The following MAL2 variants were observed in gnomAD, a reference collection of about 807,000 sequenced individuals.
MAL2 encodes mal, T cell differentiation protein 2.
MAL2 carries 17 observed loss-of-function variants against 18.1 expected under a neutral mutation model. That is an observed-to-expected ratio of 0.94 (90% confidence interval 0.64 to 1.41). The LOEUF (loss-of-function observed/expected upper bound fraction) is 1.41. MAL2 is among the 40% of genes most tolerant of loss of function. MAL2 has a pLI of 0.00. For synonymous variants in MAL2, 102 were observed against 102.3 expected (o/e 1.00, Z 0.02); for missense variants, 222 against 231.9 (o/e 0.96, Z 0.28).
chr8:119,216,451 G>A (rs755409742), intron 1 of MAL2, among the ~76,000 whole-genome samples: 1 of 152,120 alleles, frequency 6.6e-6, no homozygotes, highest in Non-Finnish European at 1.5e-5. Flanking sequence ...GAATAATAAT[G>A]TTGTCTCTCA....
At chr8:119,220,239 T>C (rs928613490) in intron 1 of MAL2, among the ~76,000 whole-genome samples, 1 of 152,246 alleles carries the variant, frequency 6.6e-6, no homozygotes, top group Non-Finnish European at 1.5e-5. Context: ...CTGTCCTTTT[T>C]CTGTTGTGTC....
intron 2 of MAL2, among the ~76,000 whole-genome samples, chr8:119,229,345 C>T (rs999192310): frequency 7.2e-6 from 1 of 139,176 alleles, no homozygotes; most frequent in African/African-American, 2.6e-5. Flanking sequence ...CAGAGTCTTG[C>T]TCTATTGCCC....
chr8:119,241,294 G>A (rs141556869), intron 3 of MAL2, among the ~76,000 whole-genome samples: 2,093 of 152,222 alleles, frequency 0.014, 47 homozygotes, highest in African/African-American at 0.048. Context: ...TTGGTAGGCC[G>A]AGGTGGGAGG....
Position 119,243,489 on chromosome 8 carries a change from C to T in MAL2, c.*1C>T, listed in dbSNP as rs1468982964. Reference sequence around the variant, plus strand: ...GGCTTTACGAAGATGGCGACCGTAACACTCCTTAGAAACTGGCAGTCGTAT... The same window carrying T: ...GGCTTTACGAAGATGGCGACCGTAATACTCCTTAGAAACTGGCAGTCGTAT... On this transcript the variant is annotated 3_prime_UTR_variant, in exon 4 of 4. Coordinates refer to ENST00000614891, the MANE Select transcript of MAL2 (RefSeq NM_052886.3). 6 of 1,591,864 alleles carry T rather than the reference C, an allele frequency of 3.8e-6. No homozygotes were observed. Among genetic ancestry groups the T allele is most frequent in the East Asian group, 4.5e-5 (2 of 44,354 alleles).
At position 119,208,492 on chromosome 8, in the gene MAL2, C is replaced by T; in HGVS notation, c.20C>T (p.Ser7Leu). The change falls in exon 1 of 4, where the codon TCA becomes TTA. Residue 7 changes from serine (S) to leucine (L), a missense_variant. Physicochemically the swap from Ser to Leu is moderately radical, Grantham distance 145. Coordinates refer to ENST00000614891, the MANE Select transcript of MAL2 (RefSeq NM_052886.3). The surrounding 1 kb of genome is among the most constrained non-coding windows in gnomAD (Gnocchi z 4.3). MSAGGASVPPPPNPAVS... is the reference protein window; with the variant it reads MSAGGALVPPPPNPAVS... ...GGCAGCATGTCGGCCGGCGGAGCGT[C>T]AGTCCCGCCGCCCCCGAACCCCGCC... 1 of 1,290,026 alleles carries T rather than the reference C, an allele frequency of 7.8e-7. No homozygotes were observed. Among genetic ancestry groups the T allele is most frequent in the South Asian group, 2.6e-5 (1 of 38,742 alleles). 79.9% of individuals were successfully genotyped at this position (1,290,026 alleles called of 1,614,324 possible).
chr8:119,235,300 T>A (rs1563776641), intron 2 of MAL2, among the ~76,000 whole-genome samples: 1 of 152,024 alleles, frequency 6.6e-6, no homozygotes, highest in Non-Finnish European at 1.5e-5. Context: ...TGGGACTATG[T>A]GAAAAGACCA....
intron 2 of MAL2, among the ~76,000 whole-genome samples, chr8:119,225,562 T>C (rs1354069047): frequency 6.6e-6 from 1 of 152,208 alleles, no homozygotes; most frequent in East Asian, 1.9e-4. Flanking sequence ...CTATTGTGAA[T>C]AGTGCCGCAA....
Position 119,208,791 on chromosome 8 carries a change from C to T in MAL2, c.132+187C>T. 1 of 949,728 alleles carries T rather than the reference C, an allele frequency of 1.1e-6. No individual in the cohort carries two copies. The highest frequency in any genetic ancestry group is 5.4e-5 in the South Asian group (1 of 18,380). The allele number at this position is 949,728 out of a possible 1,614,324, so 58.8% of individuals were successfully genotyped here. Reference sequence around the variant, plus strand: ...GCCGCCCGGGCCCTCCCTCCTAGCACCTGTTACGCGGGCACCTGCTCCCCC... The same window carrying T: ...GCCGCCCGGGCCCTCCCTCCTAGCATCTGTTACGCGGGCACCTGCTCCCCC... On this transcript the variant is annotated intron_variant, in intron 1 of 3. Transcript: ENST00000614891. The surrounding 1 kb of genome is among the most constrained non-coding windows in gnomAD (Gnocchi z 4.3).
chr8:119,237,342 T>G (rs199999402), intron 2 of MAL2, among the ~76,000 whole-genome samples: 49 of 151,784 alleles, frequency 3.2e-4, no homozygotes, highest in African/African-American at 1.2e-3. Flanking sequence ...GATTCACAGC[T>G]GAATTCTACC....
At chr8:119,241,459 G>GACCACACCACTGCACTT (rs373161045) in intron 3 of MAL2, among the ~76,000 whole-genome samples, 14,219 of 152,194 alleles carry the variant, frequency 0.093, 1,974 homozygotes, top group African/African-American at 0.3. Context: ...AGTGAGCAGA[G>GACCACACCACTGCACTT]CAGTCTGAGC....
At chr8:119,230,053 A>G (rs113532803) in intron 2 of MAL2, among the ~76,000 whole-genome samples, 59 of 152,304 alleles carry the variant, frequency 3.9e-4, no homozygotes, top group African/African-American at 1.3e-3. Context: ...CCCAACCCAA[A>G]ATAAGCAGTT....
chr8:119,208,427 G>C lies in MAL2; in HGVS notation c.-46G>C. ...CGGCAGGAGCCCGGGAGGCGGAGGCGGGAGGCGGCGGCGGCGCGCGGAGAC... is the reference window on the plus strand; with the variant it reads ...CGGCAGGAGCCCGGGAGGCGGAGGCCGGAGGCGGCGGCGGCGCGCGGAGAC... On this transcript the variant is annotated 5_prime_UTR_variant, in exon 1 of 4. Transcript: ENST00000614891. This position sits in a 1 kb window ranked among gnomAD's most constrained non-coding sequence, Gnocchi z 4.3. 2.8e-6 allele frequency: 3 copies of C among 1,082,090 alleles called. No homozygotes were observed. Among genetic ancestry groups the C allele is most frequent in the Non-Finnish European group, 3.4e-6 (3 of 882,156 alleles). The allele number at this position is 1,082,090 out of a possible 1,614,324, so 67.0% of individuals were successfully genotyped here.
chr8:119,217,282 A>T (rs1165032558), intron 1 of MAL2, among the ~76,000 whole-genome samples: 2 of 152,220 alleles, frequency 1.3e-5, no homozygotes, highest in Non-Finnish European at 2.9e-5. Context: ...ACCAGAAAGA[A>T]GATCAGTTGT....
chr8:119,240,751 G>A (rs1028657996), intron 3 of MAL2, among the ~76,000 whole-genome samples: 12 of 152,150 alleles, frequency 7.9e-5, no homozygotes, highest in African/African-American at 2.9e-4. Flanking sequence ...AATTTTGCTG[G>A]GTGTTGAGGA....
chr8:119,233,451 G>C (rs190065337), intron 2 of MAL2, among the ~76,000 whole-genome samples: 1 of 149,928 alleles, frequency 6.7e-6, no homozygotes, highest in Non-Finnish European at 1.5e-5. Flanking sequence ...AAGAAGAAAA[G>C]AGAGAAGAAT....
chr8:119,221,123 ACT>A (rs1387828885), intron 1 of MAL2: 2 of 156,842 alleles, frequency 1.3e-5, no homozygotes, highest in Non-Finnish European at 2.8e-5. Context: ...TTTTTTACTA[ACT>A]CTCTAAGAAG....
chr8:119,210,982 G>A (rs565814491), intron 1 of MAL2, among the ~76,000 whole-genome samples: 50 of 152,014 alleles, frequency 3.3e-4, no homozygotes, highest in Non-Finnish European at 6.2e-4. Context: ...ATAGCTCCTC[G>A]GCTCTCATCC....
At chr8:119,236,869 C>T (rs1474408570) in intron 2 of MAL2, among the ~76,000 whole-genome samples, 15 of 150,578 alleles carry the variant, frequency 1.0e-4, no homozygotes, top group African/African-American at 3.7e-4. Context: ...ACCCTAACAT[C>T]ACAATTAAAA....
chr8:119,221,067 T>C (rs975877372), intron 1 of MAL2: 26 of 154,308 alleles, frequency 1.7e-4, no homozygotes, highest in Admixed American at 1.6e-3. Flanking sequence ...GTAGTTTTTA[T>C]TGTTTACCGC....
Sources: allele counts gnomAD v4.1 joint callset (sites outside exome capture counted in the v4.1 genomes callset), GRCh38; gene constraint gnomAD v4.1.1; non-coding constraint Gnocchi (gnomAD v3.1); transcripts MANE v1.5; gene names NCBI Gene and HGNC (gene_info 2026-07-23, HGNC 2026-07-21).